Variants in LPP observed in about 807,000 individuals in gnomAD.
LPP encodes the protein LIM domain containing preferred translocation partner in lipoma, also known as lipoma-preferred partner.
Under a neutral mutation model 60.4 loss-of-function variants are expected in LPP, and 38 were observed. The ratio of observed to expected loss-of-function variants is 0.63; its 90% CI spans 0.49 to 0.83. The LOEUF (loss-of-function observed/expected upper bound fraction) is 0.83. LPP is among the 40% of genes least tolerant of loss of function. The pLI is 0.00. For synonymous variants in LPP, 328 were observed against 290.8 expected, an observed-to-expected ratio of 1.13 and a Z score of -1.30; for missense variants, 902 against 783.6, an observed-to-expected ratio of 1.15 and a Z score of -1.80.
chr3:188,439,007 A>G (rs1793079880), intron 4 of LPP, among the ~76,000 whole-genome samples: 1 of 152,336 alleles, frequency 6.6e-6, no homozygotes, highest in Non-Finnish European at 1.5e-5. Context: ...ATGTATGGTC[A>G]TTCTGCTAGA....
chr3:188,207,729 A>G (rs1171455968), intron 1 of LPP, among the ~76,000 whole-genome samples: 3 of 150,922 alleles, frequency 2.0e-5, no homozygotes, highest in Non-Finnish European at 4.4e-5. Flanking sequence ...AGCTGGGACC[A>G]TAGACATATG....
At chr3:188,180,304 T>G (rs16863078) in intron 1 of LPP, 15,111 of 154,998 alleles carry the variant, frequency 0.097, 783 homozygotes, top group South Asian at 0.15. Context: ...CACCTCTGTT[T>G]CCAGGATTTG....
At chr3:188,571,879 A>G (rs1399795735) in intron 6 of LPP, among the ~76,000 whole-genome samples, 1 of 152,080 alleles carries the variant, frequency 6.6e-6, no homozygotes, top group Non-Finnish European at 1.5e-5. Context: ...CACATATGTC[A>G]TCAATTCTGA....
intron 2 of LPP, among the ~76,000 whole-genome samples, chr3:188,273,709 C>A (rs1371564819): frequency 1.4e-5 from 2 of 145,314 alleles, no homozygotes; most frequent in East Asian, 4.2e-4. Flanking sequence ...GATTCTCGTG[C>A]CTCAGCCTCC....
chr3:188,859,176 C>T (rs1159620926), intron 9 of LPP, among the ~76,000 whole-genome samples: 3 of 150,416 alleles, frequency 2.0e-5, no homozygotes, highest in African/African-American at 4.9e-5. Context: ...ACACAGATTT[C>T]GTTACAATAT....
chr3:188,494,699 G>C (rs556791523), intron 5 of LPP, among the ~76,000 whole-genome samples: 1 of 152,058 alleles, frequency 6.6e-6, no homozygotes, highest in Admixed American at 6.5e-5. Context: ...GAAAGCTTCA[G>C]AGACAGCATA....
intron 2 of LPP, among the ~76,000 whole-genome samples, chr3:188,256,908 C>T (rs1184918358): frequency 6.6e-6 from 1 of 152,210 alleles, no homozygotes; most frequent in Non-Finnish European, 1.5e-5. Flanking sequence ...GAATAGGCCT[C>T]TCACATTTAT....
chr3:188,195,292 C>T (rs548641285), intron 1 of LPP, among the ~76,000 whole-genome samples: 39 of 151,658 alleles, frequency 2.6e-4, no homozygotes, highest in South Asian at 6.2e-4. Flanking sequence ...AAGAGGCTGA[C>T]GAAATTTGTG....
intron 6 of LPP, among the ~76,000 whole-genome samples, chr3:188,548,127 T>G (rs1025189): frequency 6.6e-6 from 1 of 152,072 alleles, no homozygotes; most frequent in Non-Finnish European, 1.5e-5. Context: ...CCCCTGAGAC[T>G]GTAACAGAGA....
At chr3:188,825,269 C>CTGTGTGTGTGTGTG (rs3057956) in intron 9 of LPP, among the ~76,000 whole-genome samples, 1 of 101,690 alleles carries the variant, frequency 9.8e-6, no homozygotes. Context: ...CTCTCTCTCT[C>CTGTGTGTGTGTGTG]TGTGTGTGTG....
In LPP at chr3:188,882,739, A is replaced by G. The variant is rs1770185493; in HGVS notation, c.*8260A>G. 1 of 196,240 alleles carries G rather than the reference A, an allele frequency of 5.1e-6. No individual in the cohort carries two copies. The allele number at this position is 196,240 out of a possible 1,614,324, so 12.2% of individuals were successfully genotyped here. On this transcript the variant is annotated 3_prime_UTR_variant, in exon 12 of 12. Transcript: ENST00000617246. ...CTTACAGATTCATTGCTAAGTGCCA[A>G]TTCTTTTTTTTTCTTTTGAGACGGA... is the stretch of plus-strand genomic sequence containing the variant.
At position 188,188,087 on chromosome 3, in the gene LPP, T is replaced by C. The variant is rs1486409071; in HGVS notation, c.-190+33835T>C. On this transcript the variant is annotated intron_variant, in intron 1 of 11. Coordinates refer to ENST00000617246, the MANE Select transcript of LPP (RefSeq NM_001375462.1). ...CTTATAAATAATACTCTTTTGAACA[T>C]TTTTATGCATAAAGCCTTTTCATTA... 2.0e-5 allele frequency among the ~76,000 whole-genome samples: 3 copies of C among 152,212 alleles called. No homozygotes were observed. The East Asian group carries it at 5.8e-4, about 29-fold the overall frequency.
At chr3:188,477,120 G>T (rs765915959) in intron 4 of LPP, among the ~76,000 whole-genome samples, 1 of 152,182 alleles carries the variant, frequency 6.6e-6, no homozygotes, top group African/African-American at 2.4e-5. Context: ...TTTGTATCCG[G>T]TATCTTCCTC....
chr3:188,827,716 T>A (rs1412523754), intron 9 of LPP, among the ~76,000 whole-genome samples: 1 of 151,916 alleles, frequency 6.6e-6, no homozygotes, highest in Admixed American at 6.6e-5. Context: ...GGGGGAAGAT[T>A]CCTTTCTCCA....
chr3:188,840,994 C>G (rs959764320), intron 9 of LPP, among the ~76,000 whole-genome samples: 4 of 152,118 alleles, frequency 2.6e-5, no homozygotes, highest in African/African-American at 9.7e-5. Context: ...GCTTTTCTTC[C>G]TCCCGGGTCC....
intron 8 of LPP, 126 bp downstream of exon 8, chr3:188,708,519 C>T (rs1865928790): frequency 4.9e-6 from 6 of 1,214,822 alleles, no homozygotes; most frequent in Admixed American, 3.6e-5. Context: ...AGTTGATATA[C>T]ATCCCCGCAC....
chr3:188,617,029 G>A (rs1844974076), intron 7 of LPP, among the ~76,000 whole-genome samples: 1 of 151,986 alleles, frequency 6.6e-6, no homozygotes, highest in South Asian at 2.1e-4. Flanking sequence ...AATTGTTGAT[G>A]CAATTGTTTA....
chr3:188,157,426 C>G (rs958060086), intron 1 of LPP, among the ~76,000 whole-genome samples: 1 of 152,118 alleles, frequency 6.6e-6, no homozygotes. Context: ...GATTTCAGAA[C>G]TATGCTGAAG....
At chr3:188,354,996 T>C (rs528014936) in intron 3 of LPP, among the ~76,000 whole-genome samples, 2 of 152,094 alleles carry the variant, frequency 1.3e-5, no homozygotes, top group Non-Finnish European at 2.9e-5. Context: ...TGTATATATA[T>C]ATATTTTTGT....
Sources: gnomAD v4.1 joint callset for allele counts (sites outside exome capture counted in the v4.1 genomes callset) on GRCh38, gnomAD v4.1.1 for gene constraint, MANE v1.5 for transcripts, NCBI Gene and HGNC (gene_info 2026-07-23, HGNC 2026-07-21) for gene names.